Variants in TTC7B observed in about 807,000 individuals in gnomAD.
The protein encoded by TTC7B is tetratricopeptide repeat protein 7B.
Under a neutral mutation model 106.8 loss-of-function variants are expected in TTC7B, and 28 were observed. That is an observed-to-expected ratio of 0.26 (90% CI 0.19 to 0.36). The LOEUF is 0.36. Ranked by LOEUF, TTC7B falls within the 10% of genes least tolerant of loss-of-function variation. The pLI is 1.00. For missense variants in TTC7B, 862 were observed against 1,076.4 expected (o/e 0.80, Z 2.79); for synonymous variants, 405 against 430.6 (o/e 0.94, Z 0.74).
rs544708992 is a variant in TTC7B, at chr14:90,632,919, G to A, written c.1751+11129C>T. Among the ~76,000 whole-genome samples, 11 of 152,328 alleles carry A rather than the reference G, an allele frequency of 7.2e-5. 1 individual carries two copies. The highest frequency in any genetic ancestry group is 8.8e-5 in the Non-Finnish European group (6 of 68,038). ...GGTATAAACATTAGTGGTTACTAATGCTGAAAGAATGACTGATTAAATGAA... is the reference window on the plus strand; with the variant it reads ...GGTATAAACATTAGTGGTTACTAATACTGAAAGAATGACTGATTAAATGAA... On this transcript the variant is annotated intron_variant, in intron 15 of 19. Coordinates refer to ENST00000328459, the MANE Select transcript of TTC7B (RefSeq NM_001010854.2).
intron 17 of TTC7B, among the ~76,000 whole-genome samples, chr14:90,594,521 G>A (rs932634547): frequency 6.6e-6 from 1 of 152,030 alleles, no homozygotes; most frequent in South Asian, 2.1e-4. Flanking sequence ...TCAAGAGCAG[G>A]ATTCTCTTGA....
chr14:90,794,288 G>A (rs1322156116), intron 1 of TTC7B, among the ~76,000 whole-genome samples: 4 of 145,006 alleles, frequency 2.8e-5, no homozygotes, highest in South Asian at 2.2e-4. Context: ...GTGCAGTGGC[G>A]CAATCTCGGC....
intron 13 of TTC7B, 55 bp downstream of exon 13, chr14:90,652,786 A>G: frequency 6.3e-7 from 1 of 1,575,266 alleles, no homozygotes; most frequent in South Asian, 1.1e-5. Flanking sequence ...TTTTATACTC[A>G]TCATACTTTG....
intron 3 of TTC7B, among the ~76,000 whole-genome samples, chr14:90,758,878 AGTT>A (rs765626160): frequency 6.6e-6 from 1 of 152,086 alleles, no homozygotes; most frequent in Non-Finnish European, 1.5e-5. Context: ...CTAGCTCTGG[AGTT>A]GTTGTGAGGA....
chr14:90,598,122 G>A (rs774179237), intron 17 of TTC7B, among the ~76,000 whole-genome samples: 17 of 152,312 alleles, frequency 1.1e-4, no homozygotes, highest in African/African-American at 2.4e-4. Flanking sequence ...GCCGTGCTCC[G>A]TCTAGGAGAC....
chr14:90,635,909 C>A (rs897622192), intron 15 of TTC7B, among the ~76,000 whole-genome samples: 1 of 151,976 alleles, frequency 6.6e-6, no homozygotes, highest in African/African-American at 2.4e-5. Flanking sequence ...CTCTTGAGGT[C>A]AGGAGTTCGA....
At chr14:90,719,945 G>A (rs1263465937) in intron 5 of TTC7B, among the ~76,000 whole-genome samples, 1 of 152,080 alleles carries the variant, frequency 6.6e-6, no homozygotes, top group Non-Finnish European at 1.5e-5. Context: ...TGGCCCACAT[G>A]CGACCCAGGA....
rs1286459 is a variant in TTC7B at position 90,608,806 on chromosome 14, C to T, written c.1966+1936G>A. ...GGACCTCATTTATTTTCTGACACTA[C>T]CTGTTCTCAATGTGATGTGGCTTTA... is the stretch of plus-strand genomic sequence containing the variant. On this transcript the variant is annotated intron_variant, in intron 17 of 19. Transcript: ENST00000328459. The surrounding 1 kb of genome is among the most constrained non-coding windows in gnomAD (Gnocchi z 5.1). 0.45 allele frequency among the ~76,000 whole-genome samples: 68,723 copies of T among 152,080 alleles called. 18,370 individuals carry two copies. The highest frequency in any genetic ancestry group is 0.76 in the African/African-American group (31,352 of 41,504).
At chr14:90,546,531 C>T (rs1413782197) in intron 19 of TTC7B, among the ~76,000 whole-genome samples, 1 of 152,182 alleles carries the variant, frequency 6.6e-6, no homozygotes, top group Non-Finnish European at 1.5e-5. Context: ...TGTCGGTCAG[C>T]TTGGGGCCTT....
chr14:90,664,788 C>T (rs939585219), intron 9 of TTC7B, among the ~76,000 whole-genome samples: 1 of 152,192 alleles, frequency 6.6e-6, no homozygotes, highest in Admixed American at 6.5e-5. Context: ...CTCCTCACTC[C>T]CAGCCATGGG....
chr14:90,606,150 C>T (rs1028450482), intron 17 of TTC7B, among the ~76,000 whole-genome samples: 5 of 152,178 alleles, frequency 3.3e-5, no homozygotes, highest in Non-Finnish European at 5.9e-5. Flanking sequence ...TTATGAGAAG[C>T]ACTTATATAC....
At chr14:90,592,539 T>C (rs928108360) in intron 18 of TTC7B, among the ~76,000 whole-genome samples, 2 of 151,964 alleles carry the variant, frequency 1.3e-5, no homozygotes, top group Non-Finnish European at 2.9e-5. Context: ...TGAAACCCCG[T>C]CTCTACTAAA....
intron 3 of TTC7B, among the ~76,000 whole-genome samples, chr14:90,778,634 G>C (rs1467647071): frequency 6.6e-6 from 1 of 152,156 alleles, no homozygotes; most frequent in Non-Finnish European, 1.5e-5. Context: ...GAGGTAGCTG[G>C]GTGAACACCA....
intron 13 of TTC7B, among the ~76,000 whole-genome samples, chr14:90,650,638 G>T (rs1026393309): frequency 6.6e-6 from 1 of 152,332 alleles, no homozygotes; most frequent in East Asian, 1.9e-4. Flanking sequence ...TGGAGCACCA[G>T]GCTTTATGCA....
intron 17 of TTC7B, among the ~76,000 whole-genome samples, chr14:90,604,955 A>G (rs1892577816): frequency 6.6e-6 from 1 of 152,222 alleles, no homozygotes; most frequent in Admixed American, 6.5e-5. Flanking sequence ...CTGCAAATGG[A>G]AAACAGTTTA....
In TTC7B at chr14:90,742,915, A is replaced by C. The variant is rs554430046; in HGVS notation, c.576+1877T>G. ...GACGGCTCCAAAGTGACAGGGCTGG[A>C]CAACAGTGGAGAGTAAGCAGCAAGA... On this transcript the variant is annotated intron_variant, in intron 4 of 19. Transcript: ENST00000328459. The surrounding 1 kb of genome is among the most constrained non-coding windows in gnomAD (Gnocchi z 4.1). Among the ~76,000 whole-genome samples the C allele has an allele frequency of 8.5e-5, 13 of 152,288 alleles. No homozygotes were observed. In the East Asian group the frequency reaches 2.3e-3, roughly 27 times the overall value.
At chr14:90,783,074 C>T (rs118138965) in intron 2 of TTC7B, among the ~76,000 whole-genome samples, 3,115 of 152,320 alleles carry the variant, frequency 0.02, 41 homozygotes, top group Middle Eastern at 0.041. Flanking sequence ...CAGTCTCCAC[C>T]CAAGTACAGG....
chr14:90,628,373 A>G (rs1182902347), intron 15 of TTC7B, among the ~76,000 whole-genome samples: 1 of 152,034 alleles, frequency 6.6e-6, no homozygotes, highest in African/African-American at 2.4e-5. Flanking sequence ...TTCTCTCTGG[A>G]GGATCTCTCG....
chr14:90,730,304 G>T, intron 4 of TTC7B, 108 bp from the exon 5 acceptor site: 1 of 1,310,764 alleles, frequency 7.6e-7, no homozygotes, highest in Non-Finnish European at 1.0e-6. Context: ...ACTTCCTCAG[G>T]CAAATATCAG....
Sources: gnomAD v4.1 joint callset for allele counts (sites outside exome capture counted in the v4.1 genomes callset) on GRCh38, gnomAD v4.1.1 for gene constraint, Gnocchi (gnomAD v3.1) non-coding constraint, MANE v1.5 for transcripts, NCBI Gene and HGNC (gene_info 2026-07-23, HGNC 2026-07-21) for gene names.